Variants in KIAA1217 observed in about 807,000 individuals in gnomAD.
KIAA1217 encodes KIAA1217.
KIAA1217 carries 88 observed loss-of-function variants against 163.9 expected under a neutral mutation model. That is an observed-to-expected ratio of 0.54 (90% CI 0.45 to 0.64). KIAA1217 has a LOEUF of 0.64. KIAA1217 is among the 30% of genes least tolerant of loss of function. KIAA1217 has a pLI of 0.00. For missense variants in KIAA1217, 2,372 were observed against 2,475.0 expected (o/e 0.96, Z 0.88); for synonymous variants, 903 against 923.1 (o/e 0.98, Z 0.39).
intron 1 of KIAA1217, among the ~76,000 whole-genome samples, chr10:23,848,160 A>G (rs1461490754): frequency 6.6e-6 from 1 of 152,030 alleles, no homozygotes; most frequent in African/African-American, 2.4e-5. Context: ...AATAAGTGTG[A>G]TGAGGTGCTG....
At chr10:24,227,023 G>A (rs1239572922) in intron 2 of KIAA1217, among the ~76,000 whole-genome samples, 2 of 152,054 alleles carry the variant, frequency 1.3e-5, no homozygotes, top group African/African-American at 4.8e-5. Flanking sequence ...TCTACTCTGT[G>A]GTTTCAGTTA....
intron 2 of KIAA1217, among the ~76,000 whole-genome samples, chr10:24,317,477 A>C (rs1166832102): frequency 6.6e-6 from 1 of 152,062 alleles, no homozygotes; most frequent in Non-Finnish European, 1.5e-5. Context: ...AGACCTTCAA[A>C]GGAGTGTCAC....
At chr10:23,698,772 G>A (rs16923669) in intron 1 of KIAA1217, among the ~76,000 whole-genome samples, 13,438 of 152,058 alleles carry the variant, frequency 0.088, 1,680 homozygotes, top group African/African-American at 0.28. Context: ...GCAGTCTAAC[G>A]GATCGGCTAT....
At chr10:24,095,065 G>A (rs893390962) in intron 2 of KIAA1217, among the ~76,000 whole-genome samples, 12 of 152,144 alleles carry the variant, frequency 7.9e-5, no homozygotes, top group African/African-American at 2.9e-4. Flanking sequence ...CTTCTGATGC[G>A]CCGTTTCCTA....
intron 2 of KIAA1217, among the ~76,000 whole-genome samples, chr10:24,256,355 GT>G (rs1487144116): frequency 2.6e-5 from 4 of 152,188 alleles, no homozygotes; most frequent in Non-Finnish European, 5.9e-5. Flanking sequence ...TGAGGAAAAT[GT>G]TTTGAGACTG....
chr10:23,974,563 G>A (rs1258450919), intron 1 of KIAA1217, among the ~76,000 whole-genome samples: 2 of 152,076 alleles, frequency 1.3e-5, no homozygotes, highest in Admixed American at 6.5e-5. Flanking sequence ...TTGGGAGGCC[G>A]AGATGGGAGG....
At chr10:24,127,536 T>G (rs538908938) in intron 2 of KIAA1217, among the ~76,000 whole-genome samples, 4 of 152,318 alleles carry the variant, frequency 2.6e-5, no homozygotes, top group African/African-American at 9.6e-5. Context: ...CAAATCCTTT[T>G]ACAGCCGGTG....
At chr10:24,321,055 A>G (rs1002693092) in intron 2 of KIAA1217, among the ~76,000 whole-genome samples, 4 of 146,760 alleles carry the variant, frequency 2.7e-5, no homozygotes, top group African/African-American at 9.7e-5. Flanking sequence ...TCAAAAAAAA[A>G]ACAAAAAAAA....
chr10:23,782,967 G>A (rs1426301422), intron 1 of KIAA1217, among the ~76,000 whole-genome samples: 1 of 152,102 alleles, frequency 6.6e-6, no homozygotes, highest in African/African-American at 2.4e-5. Flanking sequence ...ATGTTAGCTG[G>A]AGGCCTTTCA....
At chr10:24,309,342 GCGCGCGCGCACACA>G (rs1249091246) in intron 2 of KIAA1217, among the ~76,000 whole-genome samples, 1 of 57,344 alleles carries the variant, frequency 1.7e-5, no homozygotes, top group South Asian at 7.6e-4. Context: ...GCGCGCGCAC[GCGCGCGCGCACACA>G]CACACACACA....
At chr10:24,357,180 AC>A (rs1413423097) in intron 2 of KIAA1217, among the ~76,000 whole-genome samples, 1 of 152,092 alleles carries the variant, frequency 6.6e-6, no homozygotes, top group Non-Finnish European at 1.5e-5. Context: ...GCCCCTGCCC[AC>A]TGTAGGTAGA....
At chr10:23,802,564 A>G (rs1836523675) in intron 1 of KIAA1217, among the ~76,000 whole-genome samples, 1 of 152,238 alleles carries the variant, frequency 6.6e-6, no homozygotes, top group African/African-American at 2.4e-5. Context: ...AGGACATCTG[A>G]CACCTATCAG....
Position 24,048,743 on chromosome 10 carries a change from A to AT in KIAA1217, c.-171+41369_-171+41370insT, listed in dbSNP as rs201266406. 6.1e-3 allele frequency among the ~76,000 whole-genome samples: 895 copies of AT among 147,032 alleles called. 7 individuals carry two copies. Among genetic ancestry groups the AT allele is most frequent in the African/African-American group, 0.019 (752 of 39,808 alleles). Reference sequence around the variant, plus strand: ...AGACTCTGTCTCAAAAAAAAAAAAAAATATATTGGCCGGGCGCAGTGGCTC... The same window carrying AT: ...AGACTCTGTCTCAAAAAAAAAAAAAATATATATTGGCCGGGCGCAGTGGCTC... On this transcript the variant is annotated intron_variant, in intron 2 of 18. Transcript: ENST00000376462.
intron 1 of KIAA1217, among the ~76,000 whole-genome samples, chr10:24,004,879 A>G (rs776955424): frequency 3.9e-5 from 6 of 152,220 alleles, no homozygotes; most frequent in Non-Finnish European, 5.9e-5. Context: ...GTGGGAAGGA[A>G]GGGCTGTAAG....
intron 2 of KIAA1217, among the ~76,000 whole-genome samples, chr10:24,297,946 G>A (rs1169169407): frequency 1.3e-5 from 2 of 151,364 alleles, no homozygotes; most frequent in African/African-American, 2.4e-5. Context: ...GCAAGGCATA[G>A]GATAGTCTCA....
chr10:23,966,237 C>A (rs2131381612), intron 1 of KIAA1217, among the ~76,000 whole-genome samples: 1 of 152,302 alleles, frequency 6.6e-6, no homozygotes, highest in African/African-American at 2.4e-5. Context: ...AGACAACAAG[C>A]CTCTGTGGGC....
chr10:23,997,934 G>T (rs1300741912), intron 1 of KIAA1217, among the ~76,000 whole-genome samples: 2 of 151,946 alleles, frequency 1.3e-5, no homozygotes, highest in African/African-American at 2.4e-5. Flanking sequence ...ACATTGACTG[G>T]TTTTGTTCAT....
chr10:23,873,394 A>G (rs12248590), intron 1 of KIAA1217, among the ~76,000 whole-genome samples: 2,107 of 152,176 alleles, frequency 0.014, 68 homozygotes, highest in African/African-American at 0.048. Context: ...TATCTTAAAA[A>G]TGAATTTATG....
At chr10:24,108,087 G>A (rs1253101932) in intron 2 of KIAA1217, among the ~76,000 whole-genome samples, 1 of 152,160 alleles carries the variant, frequency 6.6e-6, no homozygotes, top group Admixed American at 6.5e-5. Flanking sequence ...TAGCCAAGAA[G>A]GTTCCAGAAG....
Sources: gnomAD v4.1 joint callset for allele counts (sites outside exome capture counted in the v4.1 genomes callset) on GRCh38, gnomAD v4.1.1 for gene constraint, MANE v1.5 for transcripts, NCBI Gene and HGNC (gene_info 2026-07-23, HGNC 2026-07-21) for gene names.